The following C16orf46 variants were observed in gnomAD, a reference collection of about 807,000 sequenced individuals.
The protein encoded by C16orf46 is chromosome 16 open reading frame 46, also known as uncharacterized protein C16orf46.
C16orf46 carries 7 observed loss-of-function variants against 5.5 expected under a neutral mutation model. The observed-to-expected ratio is 1.28, with a 90% CI of 0.73 to 2.40. C16orf46 has a LOEUF of 2.40. Among genes scored for constraint, C16orf46 ranks in the 30% most tolerant of loss-of-function variants. The pLI, the probability that C16orf46 is intolerant of heterozygous loss-of-function variation, is 0.00. For missense variants in C16orf46, 614 were observed against 476.0 expected (o/e 1.29, Z -2.70); for synonymous variants, 200 against 184.1 (o/e 1.09, Z -0.70).
chr16:81,076,623 C>T (rs777104375), intron 1 of C16orf46: 17 of 152,498 alleles, frequency 1.1e-4, no homozygotes, highest in Non-Finnish European at 1.9e-4. Context: ...TCTCACACAG[C>T]TTACAGTCCA....
downstream of C16orf46, among the ~76,000 whole-genome samples, chr16:81,058,978 A>C (rs568297376): frequency 1.3e-5 from 2 of 152,210 alleles, no homozygotes; most frequent in Non-Finnish European, 1.5e-5. Context: ...TTGGGTTAGA[A>C]GAGGAAAATG....
At chr16:81,072,458 T>C (rs1417519254) in intron 1 of C16orf46, among the ~76,000 whole-genome samples, 16 of 152,128 alleles carry the variant, frequency 1.1e-4, no homozygotes, top group Admixed American at 1.0e-3. Context: ...CGATCTTAGC[T>C]CACTGCAACT....
intron 2 of C16orf46, 65 bp from the exon 3 acceptor site, chr16:81,064,058 A>G: frequency 2.4e-6 from 2 of 849,526 alleles, no homozygotes; most frequent in South Asian, 3.6e-5. Context: ...AAGCAATGCA[A>G]TACTCAGGTG....
Position 81,061,129 on chromosome 16 carries a change from G to A in C16orf46, c.*32C>T, listed in dbSNP as rs896265401. On this transcript the variant is annotated 3_prime_UTR_variant, in exon 4 of 4. Coordinates refer to ENST00000299578, the MANE Select transcript of C16orf46 (RefSeq NM_152337.3). ...AGAAAGGATGGCTGCATCTCAAACG[G>A]TGCTTATTCCCAGGGGTTCTACCGC... 6.5e-7 allele frequency: 1 copy of A among 1,549,238 alleles called. No homozygotes were observed.
At position 81,061,281 on chromosome 16, in the gene C16orf46, TG is replaced by T; in HGVS notation, c.1067del (p.Pro356GlnfsTer27). On this transcript the variant is annotated frameshift_variant, in exon 4 of 4. Transcript: ENST00000299578. LOFTEE classifies it low-confidence loss of function (END_TRUNC). ...GGGGCCTGTTTTCCTGCTTGGCCTTTGGGAGAACATGCTTTCGGGTGATCAC... is the reference window on the plus strand; with the variant it reads ...GGGGCCTGTTTTCCTGCTTGGCCTTTGGAGAACATGCTTTCGGGTGATCAC... ...SPVITRKHVL[P>X]KAKQENRPQM... 2 of 1,614,128 alleles carry T rather than the reference TG, an allele frequency of 1.2e-6. No homozygotes were observed. The highest frequency in any genetic ancestry group is 1.7e-6 in the Non-Finnish European group (2 of 1,180,020).
chr16:81,075,310 C>T (rs1451044041), intron 1 of C16orf46, among the ~76,000 whole-genome samples: 1 of 151,634 alleles, frequency 6.6e-6, no homozygotes, highest in Non-Finnish European at 1.5e-5. Context: ...TACATTCTGG[C>T]CAAGCACGGT....
intron 1 of C16orf46, among the ~76,000 whole-genome samples, chr16:81,075,271 C>T (rs1315349068): frequency 7.9e-6 from 1 of 125,958 alleles, no homozygotes; most frequent in Admixed American, 8.2e-5. Flanking sequence ...TTTTTTTTAA[C>T]ACCTATTGCC....
At chr16:81,064,105 C>G in intron 2 of C16orf46, 112 bp from the exon 3 acceptor site, 1 of 597,536 alleles carries the variant, frequency 1.7e-6, no homozygotes. Context: ...TATGGCCGGC[C>G]GCGGTGGCTC....
chr16:81,058,766 C>T (rs932666985), downstream of C16orf46, among the ~76,000 whole-genome samples: 2 of 152,152 alleles, frequency 1.3e-5, no homozygotes, highest in Non-Finnish European at 2.9e-5. Flanking sequence ...TCATCTTCAC[C>T]ACATCCTGTA....
chr16:81,073,474 T>C (rs1971925683), intron 1 of C16orf46, among the ~76,000 whole-genome samples: 1 of 152,192 alleles, frequency 6.6e-6, no homozygotes. Flanking sequence ...ACAAATTCTC[T>C]CCCCTCAAGA....
chr16:81,064,033 ATT>A, intron 2 of C16orf46, 40 bp from the exon 3 acceptor site: 1 of 1,103,820 alleles, frequency 9.1e-7, no homozygotes, highest in Non-Finnish European at 1.3e-6. Flanking sequence ...TTTAATATTA[ATT>A]TTTTTTTAAA....
chr16:81,059,946 G>A (rs760249227), downstream of C16orf46, among the ~76,000 whole-genome samples: 9 of 151,908 alleles, frequency 5.9e-5, no homozygotes, highest in South Asian at 2.1e-4. Flanking sequence ...CCGCCACCAC[G>A]CCCGGCTAAT....
chr16:81,068,933 G>C (rs950551935), intron 1 of C16orf46, among the ~76,000 whole-genome samples: 1 of 151,998 alleles, frequency 6.6e-6, no homozygotes, highest in African/African-American at 2.4e-5. Flanking sequence ...ATGAACTCCT[G>C]ACCTCAGGTG....
At chr16:81,069,514 T>C (rs1255497477) in intron 1 of C16orf46, among the ~76,000 whole-genome samples, 1 of 151,978 alleles carries the variant, frequency 6.6e-6, no homozygotes, top group Non-Finnish European at 1.5e-5. Context: ...TCACATGTCA[T>C]TAGCCTGGAG....
chr16:81,063,018 G>T (rs1309030538), intron 3 of C16orf46, among the ~76,000 whole-genome samples: 2 of 151,554 alleles, frequency 1.3e-5, no homozygotes, highest in Non-Finnish European at 2.9e-5. Flanking sequence ...GGCTGAGGTG[G>T]GCAGATCACC....
chr16:81,068,169 CG>C (rs1408324859), intron 1 of C16orf46, among the ~76,000 whole-genome samples: 1 of 152,194 alleles, frequency 6.6e-6, no homozygotes, highest in African/African-American at 2.4e-5. Context: ...CTTTGTTATA[CG>C]TCCGGCAAAG....
intron 1 of C16orf46, among the ~76,000 whole-genome samples, chr16:81,071,418 A>G (rs1382988660): frequency 6.6e-6 from 1 of 152,202 alleles, no homozygotes; most frequent in African/African-American, 2.4e-5. Context: ...ACAAAGAAAC[A>G]CTGGTTTCAA....
At chr16:81,065,954 G>A (rs1399095603) in intron 2 of C16orf46, among the ~76,000 whole-genome samples, 1 of 151,756 alleles carries the variant, frequency 6.6e-6, no homozygotes, top group Admixed American at 6.6e-5. Flanking sequence ...AAAATTTTAA[G>A]TTGGAAGTTG....
intron 2 of C16orf46, among the ~76,000 whole-genome samples, chr16:81,064,905 G>T (rs1483120364): frequency 6.6e-6 from 1 of 152,198 alleles, no homozygotes; most frequent in East Asian, 1.9e-4. Flanking sequence ...CCAGACCTAT[G>T]AGGTAATACA....
Sources: allele counts gnomAD v4.1 joint callset (sites outside exome capture counted in the v4.1 genomes callset), GRCh38; gene constraint gnomAD v4.1.1; transcripts MANE v1.5; gene names NCBI Gene and HGNC (gene_info 2026-07-23, HGNC 2026-07-21).